Variants in DLC1 observed in about 807,000 individuals in gnomAD.
The protein encoded by DLC1 is rho GTPase-activating protein 7.
Under a neutral mutation model 140.3 loss-of-function variants are expected in DLC1, and 54 were observed. That is an observed-to-expected ratio of 0.38 (90% CI 0.31 to 0.48). DLC1 has a LOEUF of 0.48. Ranked by LOEUF, DLC1 falls within the 20% of genes least tolerant of loss-of-function variation. The pLI, the probability that DLC1 is intolerant of heterozygous loss-of-function variation, is 0.96. For missense variants in DLC1, 2,536 were observed against 1,907.0 expected (o/e 1.33, Z -6.14); for synonymous variants, 986 against 728.1 (o/e 1.35, Z -5.70).
intron 1 of DLC1, among the ~76,000 whole-genome samples, chr8:13,563,129 A>G (rs1804300877): frequency 6.6e-6 from 1 of 152,160 alleles, no homozygotes; most frequent in Non-Finnish European, 1.5e-5. Flanking sequence ...TCATTTATAA[A>G]AATTATTTGT....
chr8:13,558,710 C>G (rs1289457094), intron 1 of DLC1: 1 of 152,106 alleles, frequency 6.6e-6, no homozygotes, highest in African/African-American at 2.4e-5. Context: ...GAATATTTCT[C>G]AGTTACATCG....
At chr8:13,216,677 C>G (rs937755617) in intron 5 of DLC1, among the ~76,000 whole-genome samples, 1 of 152,126 alleles carries the variant, frequency 6.6e-6, no homozygotes, top group Non-Finnish European at 1.5e-5. Context: ...CCCAGGGTTT[C>G]TCAACCTCAG....
intron 5 of DLC1, among the ~76,000 whole-genome samples, chr8:13,123,014 T>C (rs1821230935): frequency 6.6e-6 from 1 of 152,048 alleles, no homozygotes; most frequent in Non-Finnish European, 1.5e-5. Flanking sequence ...TCAGGGAAAA[T>C]CAAAGACACA....
At position 13,095,250 on chromosome 8, in the gene DLC1, T is replaced by G. The variant is rs1818414119; in HGVS notation, c.3168-5A>C. 7.4e-6 allele frequency: 12 copies of G among 1,614,106 alleles called. No individual in the cohort carries two copies. Among genetic ancestry groups the G allele is most frequent in the Non-Finnish European group, 1.0e-5 (12 of 1,180,048 alleles). ...TTCATGAACTTGGGCACGGCCCTGTTAAAGAACACAGAGATGGTGGTGTTG... is the reference window on the plus strand; with the variant it reads ...TTCATGAACTTGGGCACGGCCCTGTGAAAGAACACAGAGATGGTGGTGTTG... On this transcript the variant is annotated splice_polypyrimidine_tract_variant and splice_region_variant and intron_variant, in intron 10 of 17. Coordinates refer to ENST00000276297, the MANE Select transcript of DLC1 (RefSeq NM_182643.3).
chr8:13,263,160 T>C (rs1017696801), intron 5 of DLC1, among the ~76,000 whole-genome samples: 1 of 152,194 alleles, frequency 6.6e-6, no homozygotes, highest in Admixed American at 6.5e-5. Flanking sequence ...GTTTGTCCAC[T>C]TGTTCAAGGG....
At chr8:13,589,256 A>G (rs1414337631) in intron 1 of DLC1, among the ~76,000 whole-genome samples, 2 of 152,074 alleles carry the variant, frequency 1.3e-5, no homozygotes, top group African/African-American at 2.4e-5. Flanking sequence ...TAGAACTGAG[A>G]TCTTTGTATT....
At chr8:13,182,129 T>C (rs1413543380) in intron 5 of DLC1, among the ~76,000 whole-genome samples, 1 of 152,238 alleles carries the variant, frequency 6.6e-6, no homozygotes, top group African/African-American at 2.4e-5. Context: ...GCTGCATAGA[T>C]GTCTTCTTTT....
intron 5 of DLC1, among the ~76,000 whole-genome samples, chr8:13,258,335 T>A (rs892986118): frequency 1.3e-5 from 2 of 152,218 alleles, no homozygotes; most frequent in African/African-American, 4.8e-5. Flanking sequence ...TACAGAGAAG[T>A]ACAGGAAAGT....
intron 2 of DLC1, among the ~76,000 whole-genome samples, chr8:13,483,093 T>G (rs1800810668): frequency 6.6e-6 from 1 of 152,180 alleles, no homozygotes; most frequent in Non-Finnish European, 1.5e-5. Flanking sequence ...CTCTTCTGGC[T>G]TCTAGTGGCT....
At position 13,126,078 on chromosome 8, in the gene DLC1, G is replaced by C. The variant is rs528015226; in HGVS notation, c.1349-10421C>G. On this transcript the variant is annotated intron_variant, in intron 5 of 17. Coordinates refer to ENST00000276297, the MANE Select transcript of DLC1 (RefSeq NM_182643.3). ...AGGCAAGCAGCTCACATCAAAATATGTGCTCTTCCCTGGCAAAGGCAACAG... is the reference window on the plus strand; with the variant it reads ...AGGCAAGCAGCTCACATCAAAATATCTGCTCTTCCCTGGCAAAGGCAACAG... Among the ~76,000 whole-genome samples the C allele has an allele frequency of 2.6e-5, 4 of 152,042 alleles. No homozygotes were observed. The South Asian group carries it at 8.3e-4, about 32-fold the overall frequency.
intron 5 of DLC1, among the ~76,000 whole-genome samples, chr8:13,143,124 T>C (rs1823137160): frequency 6.6e-6 from 1 of 151,950 alleles, no homozygotes; most frequent in African/African-American, 2.4e-5. Context: ...AAAAACGTTT[T>C]AATGATCATG....
intron 5 of DLC1, among the ~76,000 whole-genome samples, chr8:13,241,874 G>T (rs1050470571): frequency 6.6e-6 from 1 of 152,026 alleles, no homozygotes; most frequent in African/African-American, 2.4e-5. Context: ...AGCTTGCCTT[G>T]TGGTCATTTA....
chr8:13,339,990 A>G (rs1330708625), intron 4 of DLC1: 1 of 152,216 alleles, frequency 6.6e-6, no homozygotes, highest in Non-Finnish European at 1.5e-5. Flanking sequence ...TGACTGAAGT[A>G]GAAAATCAGG....
In DLC1 at chr8:13,514,833, T is replaced by C; in HGVS notation, c.-357A>G. On this transcript the variant is annotated 5_prime_UTR_variant, in exon 1 of 18. Transcript: ENST00000276297. Reference sequence around the variant, plus strand: ...CTGTCAAGGCATTCCTAGTGACTTCTGTCTACTAAATTCAGACTGAGGTTT... The same window carrying C: ...CTGTCAAGGCATTCCTAGTGACTTCCGTCTACTAAATTCAGACTGAGGTTT... The C allele has an allele frequency of 2.5e-6, 1 of 393,530 alleles. No individual in the cohort carries two copies. Among genetic ancestry groups the C allele is most frequent in the East Asian group, 3.6e-5 (1 of 27,840 alleles). The allele number at this position is 393,530 out of a possible 1,614,324, so 24.4% of individuals were successfully genotyped here.
In DLC1 at chr8:13,444,702, A is replaced by G. The variant is rs149180531; in HGVS notation, c.1024-43083T>C. Among the ~76,000 whole-genome samples, 70 of 152,340 alleles carry G rather than the reference A, an allele frequency of 4.6e-4. No individual in the cohort carries two copies. In the East Asian group the frequency reaches 0.013, roughly 27 times the overall value. On this transcript the variant is annotated intron_variant, in intron 2 of 17. Transcript: ENST00000276297. The stretch of plus-strand genomic sequence containing the variant: ...TATTTTTCATACAAAATATTATCAC[A>G]CTGTGCTGTTTTTTAACATTACAAG...
intron 4 of DLC1, among the ~76,000 whole-genome samples, chr8:13,378,992 G>T (rs1345156601): frequency 6.6e-6 from 1 of 152,202 alleles, no homozygotes. Context: ...ATAATTTTAA[G>T]TTTTTGCCTC....
intron 1 of DLC1, among the ~76,000 whole-genome samples, chr8:13,552,633 A>C (rs1209073845): frequency 6.6e-6 from 1 of 151,636 alleles, no homozygotes; most frequent in Non-Finnish European, 1.5e-5. Context: ...AAATGTGTTC[A>C]TAGAGTATTA....
chr8:13,191,074 A>G (rs918681190), intron 5 of DLC1, among the ~76,000 whole-genome samples: 2 of 152,232 alleles, frequency 1.3e-5, no homozygotes, highest in African/African-American at 4.8e-5. Context: ...CAGCTCCACA[A>G]GAAAATTCAA....
intron 4 of DLC1, among the ~76,000 whole-genome samples, chr8:13,371,920 A>T (rs1180846005): frequency 1.3e-5 from 2 of 152,174 alleles, no homozygotes; most frequent in Admixed American, 1.3e-4. Flanking sequence ...GGCATTTGAA[A>T]GGATGTTCAC....
Sources: allele counts gnomAD v4.1 joint callset (sites outside exome capture counted in the v4.1 genomes callset), GRCh38; gene constraint gnomAD v4.1.1; transcripts MANE v1.5; gene names NCBI Gene and HGNC (gene_info 2026-07-23, HGNC 2026-07-21).